The following LTBP1 variants were observed in gnomAD, a reference collection of about 807,000 sequenced individuals.
LTBP1 encodes the protein latent transforming growth factor beta binding protein 1.
In LTBP1, 129 loss-of-function variants were observed where a neutral mutation model predicts 207.6. The ratio of observed to expected loss-of-function variants is 0.62; its 90% CI spans 0.54 to 0.72. LTBP1 has a LOEUF of 0.72. Ranked by LOEUF, LTBP1 falls within the 30% of genes least tolerant of loss-of-function variation. The pLI is 0.00. For synonymous variants in LTBP1, 963 were observed against 833.7 expected, an observed-to-expected ratio of 1.16 and a Z score of -2.67; for missense variants, 2,281 against 2,217.2, an observed-to-expected ratio of 1.03 and a Z score of -0.58.
In LTBP1 at chr2:33,363,490, C is replaced by T. The variant is rs1227519070; in HGVS notation, c.4371C>T (p.Tyr1457=). 3 of 1,613,708 alleles carry T rather than the reference C, an allele frequency of 1.9e-6. No homozygotes were observed. Among genetic ancestry groups the T allele is most frequent in the East Asian group, 2.2e-5 (1 of 44,880 alleles). ...GYECYCKQGT[Y]YDPVKLQCFD... is the part of the protein sequence containing the mutation. ...AATGCTACTGTAAGCAAGGGACGTACTATGATCCTGTGAAACTGCAGTGCT... is the reference window on the plus strand; with the variant it reads ...AATGCTACTGTAAGCAAGGGACGTATTATGATCCTGTGAAACTGCAGTGCT... The change falls in exon 29 of 34, where the codon TAC becomes TAT. Residue 1457 remains tyrosine (Y), a synonymous_variant. Coordinates refer to ENST00000404816, the MANE Select transcript of LTBP1 (RefSeq NM_206943.4).
chr2:33,055,608 C>T (rs988132509), intron 3 of LTBP1, among the ~76,000 whole-genome samples: 26 of 152,232 alleles, frequency 1.7e-4, no homozygotes, highest in Middle Eastern at 3.4e-3. Flanking sequence ...CAGCTAAAGC[C>T]GCATTCTTTT....
chr2:33,207,457 G>T (rs189865250), intron 7 of LTBP1, among the ~76,000 whole-genome samples: 3 of 152,162 alleles, frequency 2.0e-5, no homozygotes, highest in Admixed American at 2.0e-4. Flanking sequence ...TTCCCCAAAT[G>T]CCTAACATTG....
chr2:33,347,346 G>A, intron 25 of LTBP1, 21 bp from the exon 26 acceptor site: 1 of 1,613,918 alleles, frequency 6.2e-7, no homozygotes, highest in Non-Finnish European at 8.5e-7. Context: ...CATCTCACTT[G>A]GTCTGTGCTC....
chr2:33,174,806 G>A (rs1359281975), intron 5 of LTBP1, among the ~76,000 whole-genome samples: 6 of 152,058 alleles, frequency 3.9e-5, no homozygotes, highest in Non-Finnish European at 1.5e-5. Context: ...TACCAAAACA[G>A]AGATATAGAT....
At chr2:33,161,017 T>G (rs2084417075) in intron 5 of LTBP1, among the ~76,000 whole-genome samples, 1 of 152,148 alleles carries the variant, frequency 6.6e-6, no homozygotes, top group Non-Finnish European at 1.5e-5. Flanking sequence ...TGTGTACACT[T>G]TGGAGATAGC....
At chr2:33,257,638 A>T in intron 12 of LTBP1, 127 bp downstream of exon 12, 1 of 730,084 alleles carries the variant, frequency 1.4e-6, no homozygotes, top group Non-Finnish European at 2.3e-6. Context: ...AGAGTGGAGA[A>T]TTATTTGATT....
intron 3 of LTBP1, among the ~76,000 whole-genome samples, chr2:33,034,207 A>G (rs1198476928): frequency 6.7e-6 from 1 of 149,134 alleles, no homozygotes; most frequent in East Asian, 2.0e-4. Flanking sequence ...GAAAGAGACG[A>G]GACTTGAAGG....
chr2:32,970,672 G>A (rs879445922), intron 2 of LTBP1, among the ~76,000 whole-genome samples: 1 of 151,798 alleles, frequency 6.6e-6, no homozygotes, highest in Non-Finnish European at 1.5e-5. Flanking sequence ...TTGTAGTGTA[G>A]TTCCAAGTCA....
chr2:32,991,831 G>T (rs933138428), intron 2 of LTBP1, among the ~76,000 whole-genome samples: 65 of 152,082 alleles, frequency 4.3e-4, no homozygotes, highest in African/African-American at 1.6e-3. Context: ...TCTTTGTAGG[G>T]ACAAAAAACT....
intron 9 of LTBP1, among the ~76,000 whole-genome samples, chr2:33,240,935 C>T (rs796259236): frequency 3.1e-4 from 47 of 152,228 alleles, no homozygotes; most frequent in African/African-American, 9.4e-4. Flanking sequence ...CAGGCGTGAG[C>T]CACCGCGCCC....
At position 32,947,240 on chromosome 2, in the gene LTBP1, C is replaced by G. The variant is rs112060237; in HGVS notation, c.-85C>G. ...GGGCTCTCGGCAGCTCTCGGGGGAG[C>G]CCGAACGCGCGGGGAAAGGCGAGCC... On this transcript the variant is annotated 5_prime_UTR_variant, in exon 1 of 34. Coordinates refer to ENST00000404816, the MANE Select transcript of LTBP1 (RefSeq NM_206943.4). The G allele has an allele frequency of 0.12, 122,618 of 1,063,040 alleles. 8,003 individuals are homozygous for G. Among genetic ancestry groups the G allele is most frequent in the Middle Eastern group, 0.14 (387 of 2,812 alleles). The allele number at this position is 1,063,040 out of a possible 1,614,324, so 65.9% of individuals were successfully genotyped here.
intron 31 of LTBP1, among the ~76,000 whole-genome samples, chr2:33,379,441 C>T (rs532339386): frequency 1.1e-4 from 16 of 152,194 alleles, no homozygotes; most frequent in Admixed American, 2.6e-4. Context: ...AATCTCCTGA[C>T]GTTGTGATCC....
chr2:32,972,310 G>T (rs564482753), intron 2 of LTBP1, among the ~76,000 whole-genome samples: 4 of 150,570 alleles, frequency 2.7e-5, no homozygotes, highest in South Asian at 2.1e-4. Context: ...GTTCAGCTCT[G>T]ATTTTGGTTA....
chr2:33,071,924 G>A (rs189637814), intron 3 of LTBP1, among the ~76,000 whole-genome samples: 275 of 152,300 alleles, frequency 1.8e-3, no homozygotes, highest in Middle Eastern at 3.4e-3. Flanking sequence ...CAGCAAGCAA[G>A]CAGTCAGTTC....
intron 3 of LTBP1, among the ~76,000 whole-genome samples, chr2:33,059,332 C>T (rs2077156772): frequency 6.6e-6 from 1 of 152,046 alleles, no homozygotes; most frequent in Non-Finnish European, 1.5e-5. Context: ...GCTTTGAAGC[C>T]ACTAAGGGAG....
intron 2 of LTBP1, among the ~76,000 whole-genome samples, chr2:32,975,832 T>C (rs1025679112): frequency 6.6e-6 from 1 of 152,148 alleles, no homozygotes; most frequent in Non-Finnish European, 1.5e-5. Flanking sequence ...ATTCCATTGA[T>C]TGAGTTTCAA....
At chr2:33,218,553 T>A (rs1488803877) in intron 8 of LTBP1, among the ~76,000 whole-genome samples, 3 of 152,124 alleles carry the variant, frequency 2.0e-5, no homozygotes, top group Non-Finnish European at 2.9e-5. Context: ...TCTGCCAACA[T>A]GCCCAGCTAA....
At chr2:33,243,626 T>G (rs2092411651) in intron 9 of LTBP1, 36 bp from the exon 10 acceptor site, 1 of 1,610,966 alleles carries the variant, frequency 6.2e-7, no homozygotes. Flanking sequence ...CAATGGGGCT[T>G]GACTGCTCCT....
chr2:33,157,840 C>T (rs972982975), intron 5 of LTBP1, among the ~76,000 whole-genome samples: 6 of 152,126 alleles, frequency 3.9e-5, no homozygotes, highest in African/African-American at 9.6e-5. Flanking sequence ...CTGGAATGAC[C>T]ATAGTCAAGA....
Sources: gnomAD v4.1 joint callset for allele counts (sites outside exome capture counted in the v4.1 genomes callset) on GRCh38, gnomAD v4.1.1 for gene constraint, MANE v1.5 for transcripts, NCBI Gene and HGNC (gene_info 2026-07-23, HGNC 2026-07-21) for gene names.